The following NAV1 variants were observed in gnomAD, a reference collection of about 807,000 sequenced individuals.
The protein encoded by NAV1 is neuron navigator 1, also known as pore membrane and/or filament interacting like protein 3.
NAV1 carries 18 observed loss-of-function variants against 175.2 expected under a neutral mutation model. The ratio of observed to expected loss-of-function variants is 0.10; its 90% confidence interval spans 0.07 to 0.15. NAV1 has a LOEUF of 0.15. Ranked by LOEUF, NAV1 falls within the 10% of genes least tolerant of loss-of-function variation. The probability of loss-of-function intolerance (pLI) is 1.00; values close to 1 mark genes in which losing one functional copy is unlikely to be tolerated. For missense variants in NAV1, 1,731 were observed against 2,436.6 expected, an observed-to-expected ratio of 0.71 and a Z score of 6.10; for synonymous variants, 897 against 978.7, an observed-to-expected ratio of 0.92 and a Z score of 1.56.
At chr1:201,591,740 C>T (rs1405604373) in intron 2 of NAV1, among the ~76,000 whole-genome samples, 1 of 152,132 alleles carries the variant, frequency 6.6e-6, no homozygotes, top group Non-Finnish European at 1.5e-5. Context: ...AGCATCTTCT[C>T]CCTCTCAGCG....
At chr1:201,580,153 G>A (rs1044610831) in intron 1 of NAV1, among the ~76,000 whole-genome samples, 2 of 152,220 alleles carry the variant, frequency 1.3e-5, no homozygotes, top group African/African-American at 2.4e-5. Flanking sequence ...TTTTTGTTCA[G>A]CCTGGACCCT....
At chr1:201,599,345 A>G (rs1667455757) in intron 2 of NAV1, among the ~76,000 whole-genome samples, 1 of 152,228 alleles carries the variant, frequency 6.6e-6, no homozygotes, top group Non-Finnish European at 1.5e-5. Flanking sequence ...TGCAAGGTCC[A>G]TGAGCCAGCC....
intron 1 of NAV1, among the ~76,000 whole-genome samples, chr1:201,552,610 T>G (rs1665891635): frequency 6.6e-6 from 1 of 152,116 alleles, no homozygotes; most frequent in Non-Finnish European, 1.5e-5. Flanking sequence ...GCAATAATAC[T>G]CAGGCCAGGG....
At chr1:201,650,608 C>T (rs1288493724) in intron 1 of NAV1, among the ~76,000 whole-genome samples, 1 of 152,194 alleles carries the variant, frequency 6.6e-6, no homozygotes. Flanking sequence ...GGGGAACATG[C>T]AAGAGCTCGC....
At chr1:201,600,301 C>A (rs79910333) in intron 2 of NAV1, among the ~76,000 whole-genome samples, 2,520 of 152,332 alleles carry the variant, frequency 0.017, 21 homozygotes, top group Non-Finnish European at 0.027. Context: ...CTGCCCCATG[C>A]CCTGTGTGGT....
intron 1 of NAV1, among the ~76,000 whole-genome samples, chr1:201,543,812 AAG>A (rs1665587492): frequency 6.6e-6 from 1 of 152,206 alleles, no homozygotes; most frequent in African/African-American, 2.4e-5. Flanking sequence ...GTACTCATTA[AAG>A]AGTAACTCTC....
chr1:201,772,425 T>G (rs1675648581), intron 3 of NAV1, among the ~76,000 whole-genome samples: 1 of 152,178 alleles, frequency 6.6e-6, no homozygotes, highest in African/African-American at 2.4e-5. Flanking sequence ...TCTGTATTTC[T>G]AAAAGGAAAT....
chr1:201,738,837 T>C (rs1171905952), intron 3 of NAV1, among the ~76,000 whole-genome samples: 5 of 152,324 alleles, frequency 3.3e-5, no homozygotes, highest in Admixed American at 2.0e-4. Context: ...CTGTTGTTTT[T>C]GTCGCTTAAA....
chr1:201,644,731 C>T (rs1668918096), upstream of NAV1, among the ~76,000 whole-genome samples: 1 of 152,112 alleles, frequency 6.6e-6, no homozygotes, highest in Non-Finnish European at 1.5e-5. Flanking sequence ...CTCTTATTGA[C>T]AACACTTTTT....
chr1:201,755,902 C>G (rs552719497), intron 3 of NAV1, among the ~76,000 whole-genome samples: 1 of 151,916 alleles, frequency 6.6e-6, no homozygotes, highest in Non-Finnish European at 1.5e-5. Flanking sequence ...GTCAGGAGAT[C>G]GAGACCATCC....
intron 2 of NAV1, among the ~76,000 whole-genome samples, chr1:201,595,516 C>T (rs1667325538): frequency 6.6e-6 from 1 of 152,248 alleles, no homozygotes; most frequent in Non-Finnish European, 1.5e-5. Flanking sequence ...GGCGCCGAGT[C>T]TGTTTCTCAC....
chr1:201,787,149 A>G lies in NAV1; in HGVS notation c.2995+572A>G, dbSNP rs1184550965. On this transcript the variant is annotated intron_variant, in intron 9 of 29. Transcript: ENST00000367296. This position sits in a 1 kb window ranked among gnomAD's most constrained non-coding sequence, Gnocchi z 4.3. ...TAGGGAGAAAGGAGAGCTAGGAAAT[A>G]AGGAAGTGACTTAGAGACAGGGAGG... Among the ~76,000 whole-genome samples, 1 of 152,158 alleles carries G rather than the reference A, an allele frequency of 6.6e-6. No individual in the cohort carries two copies. Among genetic ancestry groups the G allele is most frequent in the Non-Finnish European group, 1.5e-5 (1 of 68,010 alleles).
intron 1 of NAV1, among the ~76,000 whole-genome samples, chr1:201,697,087 C>A (rs1296130633): frequency 6.6e-6 from 1 of 152,128 alleles, no homozygotes; most frequent in Non-Finnish European, 1.5e-5. Context: ...TGGAAGTCTC[C>A]CTTAAAGCTA....
At chr1:201,604,842 G>A (rs1254437492) in intron 2 of NAV1, among the ~76,000 whole-genome samples, 1 of 152,104 alleles carries the variant, frequency 6.6e-6, no homozygotes, top group Non-Finnish European at 1.5e-5. Flanking sequence ...CACTTGACTG[G>A]GTCACCCATC....
exon 30 of NAV1, chr1:201,824,094 G>A (rs41302537): frequency 0.069 from 10,464 of 152,234 alleles, 447 homozygotes; most frequent in Admixed American, 0.11. Context: ...CGGGGGAATT[G>A]TCCTAATCAC....
intron 1 of NAV1, among the ~76,000 whole-genome samples, chr1:201,698,444 G>A (rs992747661): frequency 1.3e-5 from 2 of 152,250 alleles, no homozygotes; most frequent in African/African-American, 4.8e-5. Context: ...GCTGGTCAGG[G>A]CACAGCCCGG....
At chr1:201,614,114 C>G (rs1413231562) in intron 2 of NAV1, among the ~76,000 whole-genome samples, 2 of 152,122 alleles carry the variant, frequency 1.3e-5, no homozygotes, top group East Asian at 1.9e-4. Flanking sequence ...TTAGCCAACA[C>G]TCTGTGCTGT....
At chr1:201,686,787 GC>G (rs918065337) in intron 1 of NAV1, among the ~76,000 whole-genome samples, 2 of 152,088 alleles carry the variant, frequency 1.3e-5, no homozygotes, top group African/African-American at 4.8e-5. Flanking sequence ...CTGGAAAATA[GC>G]CCAACCCCTG....
intron 3 of NAV1, among the ~76,000 whole-genome samples, chr1:201,737,924 G>A (rs564080955): frequency 6.6e-6 from 1 of 152,256 alleles, no homozygotes; most frequent in South Asian, 2.1e-4. Flanking sequence ...AGATGACCCA[G>A]GCCAGCTCCA....
Sources: gnomAD v4.1 joint callset for allele counts (sites outside exome capture counted in the v4.1 genomes callset) on GRCh38, gnomAD v4.1.1 for gene constraint, Gnocchi (gnomAD v3.1) non-coding constraint, MANE v1.5 for transcripts, NCBI Gene and HGNC (gene_info 2026-07-23, HGNC 2026-07-21) for gene names.